The following MPZL1 variants were observed in gnomAD, a reference collection of about 807,000 sequenced individuals.
MPZL1 encodes myelin protein zero like 1, also known as myelin protein zero-like protein 1.
Under a neutral mutation model 29.3 loss-of-function variants are expected in MPZL1, and 16 were observed. That is an observed-to-expected ratio of 0.55 (90% CI 0.37 to 0.83). The LOEUF is 0.83. MPZL1 is among the 40% of genes least tolerant of loss of function. The pLI is 0.00. For missense variants in MPZL1, 279 were observed against 332.9 expected (o/e 0.84, Z 1.26); for synonymous variants, 143 against 132.0 (o/e 1.08, Z -0.57).
chr1:167,754,524 C>G (rs758724445), intron 1 of MPZL1, among the ~76,000 whole-genome samples: 1 of 152,164 alleles, frequency 6.6e-6, no homozygotes, highest in African/African-American at 2.4e-5. Context: ...TAAACTTATA[C>G]AAGTGTGTTA....
intron 1 of MPZL1, among the ~76,000 whole-genome samples, chr1:167,722,696 G>C (rs773187642): frequency 2.6e-5 from 4 of 152,156 alleles, no homozygotes; most frequent in Non-Finnish European, 4.4e-5. Context: ...CATTTGTAGG[G>C]CCTTTGTTGA....
intron 1 of MPZL1, among the ~76,000 whole-genome samples, chr1:167,734,024 A>G (rs1050368911): frequency 6.6e-6 from 1 of 152,170 alleles, no homozygotes; most frequent in Non-Finnish European, 1.5e-5. Context: ...TGGGAGGCCA[A>G]GGCGGACGGA....
intron 4 of MPZL1, among the ~76,000 whole-genome samples, chr1:167,775,077 A>G (rs1018336794): frequency 6.6e-6 from 1 of 152,196 alleles, no homozygotes; most frequent in African/African-American, 2.4e-5. Flanking sequence ...TGTGCTCTTC[A>G]TGTAAAATGC....
At chr1:167,784,329 T>C (rs1661550813) in intron 5 of MPZL1, among the ~76,000 whole-genome samples, 1 of 152,198 alleles carries the variant, frequency 6.6e-6, no homozygotes, top group Admixed American at 6.5e-5. Flanking sequence ...ACTTTATTGT[T>C]GTAATTCTTT....
At chr1:167,725,746 A>G (rs1571128118) in intron 1 of MPZL1, among the ~76,000 whole-genome samples, 2 of 152,246 alleles carry the variant, frequency 1.3e-5, no homozygotes, top group East Asian at 3.9e-4. Flanking sequence ...TGGCCTCCCA[A>G]AGTGCTGGGA....
At chr1:167,751,717 T>C (rs1243107598) in intron 1 of MPZL1, among the ~76,000 whole-genome samples, 1 of 151,574 alleles carries the variant, frequency 6.6e-6, no homozygotes, top group African/African-American at 2.4e-5. Flanking sequence ...CAATACTTAG[T>C]TTTTAAAAAT....
chr1:167,762,606 C>G (rs1273121514), intron 1 of MPZL1, among the ~76,000 whole-genome samples: 1 of 152,220 alleles, frequency 6.6e-6, no homozygotes, highest in Non-Finnish European at 1.5e-5. Context: ...AGGTGATTGG[C>G]TACGGCCTGT....
chr1:167,789,502 T>C lies in MPZL1; in HGVS notation c.*1581T>C, dbSNP rs1661662103. On this transcript the variant is annotated 3_prime_UTR_variant, in exon 6 of 6. Coordinates refer to ENST00000359523, the MANE Select transcript of MPZL1 (RefSeq NM_003953.6). ...GTTTGAAGGCTGAGTTCCAACAGAA[T>C]TCACAAAGGGAATAAAACAGGATTG... 6.6e-6 allele frequency: 1 copy of C among 152,180 alleles called. No individual in the cohort carries two copies. Among genetic ancestry groups the C allele is most frequent in the Admixed American group, 6.5e-5 (1 of 15,276 alleles). 9.4% of individuals were successfully genotyped at this position (152,180 alleles called of 1,614,324 possible). A position where few individuals can be genotyped will look rare whatever the true frequency, so the allele number is the denominator to read the frequency against.
chr1:167,770,469 G>T (rs1309263485), intron 2 of MPZL1, among the ~76,000 whole-genome samples: 1 of 152,242 alleles, frequency 6.6e-6, no homozygotes, highest in African/African-American at 2.4e-5. Flanking sequence ...GGAGTGGAAA[G>T]AGAAAGGGGC....
chr1:167,758,456 G>A (rs1660915740), intron 1 of MPZL1, among the ~76,000 whole-genome samples: 1 of 152,082 alleles, frequency 6.6e-6, no homozygotes, highest in African/African-American at 2.4e-5. Flanking sequence ...TCAGGAAATA[G>A]ACTCTTAGGT....
chr1:167,765,847 T>C, intron 2 of MPZL1, 98 bp downstream of exon 2: 2 of 1,201,506 alleles, frequency 1.7e-6, no homozygotes, highest in Non-Finnish European at 2.3e-6. Context: ...ATTTCCAAAA[T>C]GAGTGTATTT....
intron 1 of MPZL1, among the ~76,000 whole-genome samples, chr1:167,727,395 A>T (rs774651361): frequency 3.5e-4 from 54 of 152,340 alleles, no homozygotes; most frequent in Non-Finnish European, 7.1e-4. Context: ...TAAGACATAC[A>T]TCTCATGTGT....
intron 5 of MPZL1, among the ~76,000 whole-genome samples, chr1:167,777,009 A>C (rs1007187410): frequency 1.8e-4 from 28 of 152,224 alleles, no homozygotes; most frequent in African/African-American, 6.3e-4. Context: ...TTAAATTACT[A>C]AAAGCACACA....
intron 2 of MPZL1, among the ~76,000 whole-genome samples, chr1:167,770,266 A>G (rs2101787339): frequency 6.6e-6 from 1 of 152,354 alleles, no homozygotes; most frequent in South Asian, 2.1e-4. Flanking sequence ...TTCTATCCCC[A>G]GCTCCACCAT....
At chr1:167,722,314 G>T in intron 1 of MPZL1, 72 bp downstream of exon 1, 2 of 1,230,426 alleles carry the variant, frequency 1.6e-6, no homozygotes, top group Non-Finnish European at 2.0e-6. Flanking sequence ...CCATCGCGGC[G>T]GTCGCAGGCC....
At chr1:167,775,110 A>C (rs965056766) in intron 4 of MPZL1, among the ~76,000 whole-genome samples, 5 of 152,154 alleles carry the variant, frequency 3.3e-5, no homozygotes, top group African/African-American at 9.7e-5. Flanking sequence ...GTGTGTGTGC[A>C]TTAGTTTTCT....
intron 1 of MPZL1, among the ~76,000 whole-genome samples, chr1:167,728,837 A>G (rs970102387): frequency 2.0e-5 from 3 of 152,208 alleles, no homozygotes; most frequent in Non-Finnish European, 2.9e-5. Context: ...AATGAAATCT[A>G]TGACTTAAGT....
intron 2 of MPZL1, among the ~76,000 whole-genome samples, chr1:167,766,678 C>T (rs1179993724): frequency 1.3e-5 from 2 of 152,084 alleles, no homozygotes; most frequent in African/African-American, 4.8e-5. Context: ...TGTTGATCAC[C>T]ACCTAGATGT....
At chr1:167,733,982 T>C (rs906985945) in intron 1 of MPZL1, among the ~76,000 whole-genome samples, 5 of 151,204 alleles carry the variant, frequency 3.3e-5, no homozygotes, top group South Asian at 2.1e-4. Context: ...GTAGGCCGGG[T>C]GCGGTGGCTC....
Sources: gnomAD v4.1 joint callset for allele counts (sites outside exome capture counted in the v4.1 genomes callset) on GRCh38, gnomAD v4.1.1 for gene constraint, MANE v1.5 for transcripts, NCBI Gene and HGNC (gene_info 2026-07-23, HGNC 2026-07-21) for gene names.